The following SGCD variants were observed in gnomAD, a reference collection of about 807,000 sequenced individuals.
The protein encoded by SGCD is sarcoglycan delta.
A neutral mutation model predicts 36.6 loss-of-function variants in SGCD; 18 were observed. The observed-to-expected ratio is 0.49, with a 90% CI of 0.34 to 0.73. The LOEUF is 0.73. Among genes scored for constraint, SGCD ranks in the 30% least tolerant of loss-of-function variants. The pLI is 0.01. For synonymous variants in SGCD, 133 were observed against 130.6 expected (o/e 1.02, Z -0.12); for missense variants, 387 against 346.7 (o/e 1.12, Z -0.92).
At chr5:155,819,837 G>T in the SGCD span, among the ~76,000 whole-genome samples, 5 of 152,110 alleles carry the variant, frequency 3.3e-5, no homozygotes, top group Non-Finnish European at 7.4e-5. Flanking sequence ...ATACAAATGT[G>T]CCAGTAACAC....
intron 1 of SGCD, among the ~76,000 whole-genome samples, chr5:156,076,485 G>A (rs1020291760): frequency 1.3e-5 from 2 of 152,110 alleles, no homozygotes; most frequent in Non-Finnish European, 2.9e-5. Context: ...GAATTTCTAA[G>A]GCATGTGGGA....
At chr5:156,054,938 T>C (rs1462140678) in intron 1 of SGCD, among the ~76,000 whole-genome samples, 1 of 146,286 alleles carries the variant, frequency 6.8e-6, no homozygotes, top group African/African-American at 2.5e-5. Flanking sequence ...CTGGACAGTG[T>C]GCCAGTCATT....
chr5:155,901,514 A>G (rs974771665), intron 1 of SGCD, among the ~76,000 whole-genome samples: 2 of 152,156 alleles, frequency 1.3e-5, no homozygotes, highest in Admixed American at 6.5e-5. Context: ...TGAAAAAGCT[A>G]AATGATTTGC....
At chr5:156,073,704 C>G (rs1023295259) in intron 1 of SGCD, among the ~76,000 whole-genome samples, 67 of 152,304 alleles carry the variant, frequency 4.4e-4, no homozygotes, top group African/African-American at 1.5e-3. Context: ...GCCACATGTT[C>G]TCTACCCATG....
At chr5:156,589,164 G>T in intron 4 of SGCD, 67 bp from the exon 5 acceptor site, 1 of 1,188,218 alleles carries the variant, frequency 8.4e-7, no homozygotes, top group Non-Finnish European at 1.2e-6. Flanking sequence ...TTGGAGAGTT[G>T]TAATGACAGT....
intron 3 of SGCD, among the ~76,000 whole-genome samples, chr5:156,169,524 T>A (rs1415728145): frequency 6.6e-6 from 1 of 152,146 alleles, no homozygotes; most frequent in Non-Finnish European, 1.5e-5. Context: ...ATTGAGTATC[T>A]CCTTTAATGG....
rs368484606 is a variant in SGCD at position 156,428,653 on chromosome 5, A to G, written c.193-79948A>G. Among the ~76,000 whole-genome samples the G allele has an allele frequency of 2.0e-5, 3 of 151,944 alleles. No homozygotes were observed. The East Asian group carries it at 5.8e-4, about 29-fold the overall frequency. Reference sequence around the variant, plus strand: ...AGATTGTCTGTTTGTGATCTTTCAGACTTTTGATGTACTCATTTAATGCTG... The same window carrying G: ...AGATTGTCTGTTTGTGATCTTTCAGGCTTTTGATGTACTCATTTAATGCTG... On this transcript the variant is annotated intron_variant, in intron 3 of 8. Coordinates refer to ENST00000337851, the MANE Select transcript of SGCD (RefSeq NM_000337.6).
At chr5:156,369,383 C>G (rs1198320182) in intron 3 of SGCD, among the ~76,000 whole-genome samples, 1 of 152,192 alleles carries the variant, frequency 6.6e-6, no homozygotes, top group South Asian at 2.1e-4. Flanking sequence ...AAACAATCCA[C>G]TTAGAGTTCT....
intron 3 of SGCD, among the ~76,000 whole-genome samples, chr5:156,150,355 AC>A (rs1762804841): frequency 1.3e-5 from 2 of 151,128 alleles, no homozygotes; most frequent in South Asian, 4.2e-4. Context: ...ACCTTCATTA[AC>A]CCCCTACACT....
At chr5:156,037,135 A>G (rs553272887) in intron 1 of SGCD, among the ~76,000 whole-genome samples, 5 of 152,184 alleles carry the variant, frequency 3.3e-5, no homozygotes, top group Non-Finnish European at 7.3e-5. Flanking sequence ...CAGACATGTA[A>G]TTACAAATTT....
chr5:156,696,545 T>C (rs1272600686), intron 7 of SGCD, among the ~76,000 whole-genome samples: 2 of 152,232 alleles, frequency 1.3e-5, no homozygotes, highest in African/African-American at 4.8e-5. Flanking sequence ...AGTCTCACTC[T>C]GTTGCCCAGG....
At chr5:155,746,850 C>T in the SGCD span, among the ~76,000 whole-genome samples, 1 of 152,210 alleles carries the variant, frequency 6.6e-6, no homozygotes, top group African/African-American at 2.4e-5. Flanking sequence ...CTTTGCCCTT[C>T]TTCCCGTTTT....
chr5:155,834,546 A>C, the SGCD span, among the ~76,000 whole-genome samples: 1 of 152,190 alleles, frequency 6.6e-6, no homozygotes, highest in Admixed American at 6.5e-5. Context: ...ATAATTAATA[A>C]TATGTTTTCC....
At chr5:156,198,444 G>A (rs1430249471) in intron 3 of SGCD, among the ~76,000 whole-genome samples, 1 of 152,060 alleles carries the variant, frequency 6.6e-6, no homozygotes, top group Non-Finnish European at 1.5e-5. Flanking sequence ...TATCCCAATA[G>A]TCTTATGAAA....
At chr5:156,394,248 C>T (rs1232046432) in intron 3 of SGCD, among the ~76,000 whole-genome samples, 1 of 152,138 alleles carries the variant, frequency 6.6e-6, no homozygotes, top group Non-Finnish European at 1.5e-5. Context: ...AAATTAAGAT[C>T]AGATTGTGAT....
chr5:155,989,929 T>C (rs1758399808), intron 1 of SGCD, among the ~76,000 whole-genome samples: 1 of 152,200 alleles, frequency 6.6e-6, no homozygotes, highest in Admixed American at 6.5e-5. Flanking sequence ...AGTAAATAAA[T>C]GCCAGACTGA....
the SGCD span, among the ~76,000 whole-genome samples, chr5:155,851,998 T>A: frequency 3.9e-5 from 6 of 152,180 alleles, no homozygotes; most frequent in African/African-American, 1.4e-4. Flanking sequence ...ATGGACAACT[T>A]CAGCTGCTAG....
At chr5:156,343,287 G>T (rs540405796) in intron 2 of SGCD, among the ~76,000 whole-genome samples, 10 of 152,262 alleles carry the variant, frequency 6.6e-5, no homozygotes, top group African/African-American at 1.9e-4. Flanking sequence ...AGGGAATGCA[G>T]TGTGTCTACA....
chr5:156,586,388 G>T (rs1760496871), intron 4 of SGCD, among the ~76,000 whole-genome samples: 1 of 152,114 alleles, frequency 6.6e-6, no homozygotes. Flanking sequence ...TGTTGCTTTT[G>T]GTTAGCTGGC....
Sources: gnomAD v4.1 joint callset for allele counts (sites outside exome capture counted in the v4.1 genomes callset) on GRCh38, gnomAD v4.1.1 for gene constraint, MANE v1.5 for transcripts, NCBI Gene and HGNC (gene_info 2026-07-23, HGNC 2026-07-21) for gene names.